PTPRT: variants seen among roughly 807,000 people sequenced by gnomAD.
PTPRT encodes receptor-type tyrosine-protein phosphatase T.
Under a neutral mutation model 176.8 loss-of-function variants are expected in PTPRT, and 56 were observed. That is an observed-to-expected ratio of 0.32 (90% CI 0.26 to 0.40). The LOEUF is 0.40. PTPRT is among the 10% of genes least tolerant of loss of function. The pLI, the probability that PTPRT is intolerant of heterozygous loss-of-function variation, is 1.00. For missense variants in PTPRT, 1,540 were observed against 1,908.2 expected (o/e 0.81, Z 3.60); for synonymous variants, 783 against 739.0 (o/e 1.06, Z -0.96).
intron 7 of PTPRT, among the ~76,000 whole-genome samples, chr20:42,567,068 T>C (rs2073051631): frequency 6.6e-6 from 1 of 152,084 alleles, no homozygotes; most frequent in South Asian, 2.1e-4. Flanking sequence ...TGTCAGGAGT[T>C]CGAGACCAGC....
At chr20:42,696,987 T>C (rs1214669330) in intron 6 of PTPRT, among the ~76,000 whole-genome samples, 3 of 152,196 alleles carry the variant, frequency 2.0e-5, no homozygotes, top group African/African-American at 4.8e-5. Flanking sequence ...ACATAGGTCA[T>C]AGACAACTAA....
intron 2 of PTPRT, among the ~76,000 whole-genome samples, chr20:42,800,962 C>T (rs1231193589): frequency 2.0e-5 from 3 of 152,138 alleles, no homozygotes; most frequent in Non-Finnish European, 4.4e-5. Context: ...TCCTCACATA[C>T]CCAGTGAGTG....
At chr20:42,621,133 A>T (rs1285296817) in intron 7 of PTPRT, among the ~76,000 whole-genome samples, 1 of 152,100 alleles carries the variant, frequency 6.6e-6, no homozygotes, top group Non-Finnish European at 1.5e-5. Context: ...GGGGACAAAG[A>T]GCCAAACCAT....
intron 3 of PTPRT, among the ~76,000 whole-genome samples, chr20:42,781,163 T>C (rs958886654): frequency 1.3e-5 from 2 of 148,704 alleles, no homozygotes; most frequent in African/African-American, 5.0e-5. Context: ...TCTTATCTAA[T>C]CCTTGGATTA....
intron 2 of PTPRT, among the ~76,000 whole-genome samples, chr20:42,859,750 A>AT (rs61194810): frequency 0.032 from 4,575 of 142,720 alleles, 147 homozygotes; most frequent in African/African-American, 0.08. Flanking sequence ...TGGCCGGCTA[A>AT]TTTTTTTTTT....
At chr20:42,128,255 C>T (rs1987955294) in intron 19 of PTPRT, among the ~76,000 whole-genome samples, 1 of 152,150 alleles carries the variant, frequency 6.6e-6, no homozygotes, top group Admixed American at 6.5e-5. Context: ...ATATTTTTCC[C>T]TACTTCTGAA....
At chr20:42,353,258 C>T (rs1223895154) in intron 9 of PTPRT, among the ~76,000 whole-genome samples, 1 of 152,114 alleles carries the variant, frequency 6.6e-6, no homozygotes, top group Non-Finnish European at 1.5e-5. Flanking sequence ...ATCCCAGGCC[C>T]CATATTCCAG....
At chr20:42,529,590 G>A (rs920861769) in intron 7 of PTPRT, among the ~76,000 whole-genome samples, 7 of 152,020 alleles carry the variant, frequency 4.6e-5, no homozygotes, top group Non-Finnish European at 1.0e-4. Context: ...AGGTTCAAGC[G>A]ATTCTCCTGC....
At chr20:43,029,160 A>G (rs566255072) in intron 1 of PTPRT, among the ~76,000 whole-genome samples, 2 of 152,334 alleles carry the variant, frequency 1.3e-5, no homozygotes, top group South Asian at 2.1e-4. Flanking sequence ...CACCTTGTGA[A>G]TGATTGGAAC....
In PTPRT at chr20:42,270,271, G is replaced by C. The variant is rs2056908732; in HGVS notation, c.2176+12218C>G. On this transcript the variant is annotated intron_variant, in intron 13 of 30. Coordinates refer to ENST00000373187, the MANE Select transcript of PTPRT (RefSeq NM_007050.6). ...GAATGTGTGGGTTGATGGGTGAATG[G>C]GTGGGGGGGTGGGTGGGTGGGTGGG... The C allele has an allele frequency of 1.7e-5, 13 of 778,726 alleles. 1 individual carries two copies. The South Asian group carries it at 2.0e-4, about 12-fold the overall frequency. The allele number at this position is 778,726 out of a possible 1,614,324, so 48.2% of individuals were successfully genotyped here.
intron 1 of PTPRT, among the ~76,000 whole-genome samples, chr20:43,086,987 T>C (rs550131985): frequency 6.6e-6 from 1 of 152,346 alleles, no homozygotes; most frequent in East Asian, 1.9e-4. Context: ...TATACAATTG[T>C]GTGGGCACCA....
intron 9 of PTPRT, among the ~76,000 whole-genome samples, chr20:42,424,351 C>T (rs1013421484): frequency 1.3e-5 from 2 of 152,154 alleles, no homozygotes; most frequent in Non-Finnish European, 2.9e-5. Context: ...ACTCCAAGGG[C>T]ATTGTTATCC....
chr20:42,966,920 C>T (rs1005823797), intron 1 of PTPRT, among the ~76,000 whole-genome samples: 1 of 152,212 alleles, frequency 6.6e-6, no homozygotes, highest in Non-Finnish European at 1.5e-5. Flanking sequence ...ACTTGCATTT[C>T]TACTTTATTT....
chr20:42,624,089 A>G (rs533484630), intron 7 of PTPRT, among the ~76,000 whole-genome samples: 28 of 152,130 alleles, frequency 1.8e-4, no homozygotes, highest in Non-Finnish European at 3.5e-4. Context: ...GACTTGTACC[A>G]GGCACTGTCC....
chr20:42,053,454 A>C, the PTPRT span, among the ~76,000 whole-genome samples: 303 of 152,318 alleles, frequency 2.0e-3, no homozygotes, highest in Non-Finnish European at 3.4e-3. Flanking sequence ...AATATGCCAG[A>C]GGTGTGACAA....
At position 42,472,314 on chromosome 20, in the gene PTPRT, C is replaced by T. The variant is rs1463467204; in HGVS notation, c.1402G>A (p.Glu468Lys). The T allele has an allele frequency of 1.3e-5, 21 of 1,614,116 alleles. No homozygotes were observed. The highest frequency in any genetic ancestry group is 2.7e-5 in the African/African-American group (2 of 74,944). ...IRLRLLLSNP[E>K]GRMESEELVV... ...AGCTCCTCGCTCTCCATTCGGCCCT[C>T]GGGGTTAGACAGCAAGAGTCGCAGC... Residue 468 changes from glutamate to lysine, a missense_variant, in exon 8 of 31, where the codon GAG becomes AAG. Transcript: ENST00000373187.
At chr20:42,837,761 A>G (rs535007387) in intron 2 of PTPRT, among the ~76,000 whole-genome samples, 1 of 152,338 alleles carries the variant, frequency 6.6e-6, no homozygotes, top group African/African-American at 2.4e-5. Context: ...GGGAAACAAA[A>G]GTCCAGTGAA....
At chr20:42,102,374 C>A in intron 25 of PTPRT, 77 bp from the exon 26 acceptor site, 1 of 1,467,868 alleles carries the variant, frequency 6.8e-7, no homozygotes. Flanking sequence ...AATGTTCCAA[C>A]TCAGCCTAAC....
At chr20:42,492,139 G>T (rs2071570912) in intron 7 of PTPRT, among the ~76,000 whole-genome samples, 2 of 152,246 alleles carry the variant, frequency 1.3e-5, no homozygotes, top group African/African-American at 2.4e-5. Flanking sequence ...GAGTAAATCT[G>T]CTATGGACAT....
Sources: gnomAD v4.1 joint callset for allele counts (sites outside exome capture counted in the v4.1 genomes callset) on GRCh38, gnomAD v4.1.1 for gene constraint, MANE v1.5 for transcripts, NCBI Gene and HGNC (gene_info 2026-07-23, HGNC 2026-07-21) for gene names.